TRIM36: variants seen among roughly 807,000 people sequenced by gnomAD.
The protein encoded by TRIM36 is E3 ubiquitin-protein ligase TRIM36.
TRIM36 carries 42 observed loss-of-function variants against 72.4 expected under a neutral mutation model. The ratio of observed to expected loss-of-function variants is 0.58; its 90% CI spans 0.45 to 0.75. The LOEUF is 0.75. TRIM36 is among the 30% of genes least tolerant of loss of function. TRIM36 has a pLI of 0.00. For synonymous variants in TRIM36, 315 were observed against 282.8 expected (o/e 1.11, Z -1.14); for missense variants, 913 against 857.1 (o/e 1.07, Z -0.81).
At chr5:115,175,101 GA>G (rs1378300443) in intron 1 of TRIM36, among the ~76,000 whole-genome samples, 2 of 150,848 alleles carry the variant, frequency 1.3e-5, no homozygotes, top group Admixed American at 1.3e-4. Flanking sequence ...TGGAATTTCA[GA>G]TACATGATAA....
chr5:115,128,262 G>A (rs1165203680), intron 9 of TRIM36, among the ~76,000 whole-genome samples: 5 of 151,694 alleles, frequency 3.3e-5, no homozygotes, highest in South Asian at 4.2e-4. Context: ...CCAGCTAGTC[G>A]GGAGGCTGAG....
intron 1 of TRIM36, chr5:115,177,768 A>C (rs757494898): frequency 8.7e-6 from 14 of 1,613,968 alleles, no homozygotes; most frequent in Non-Finnish European, 1.2e-5. Context: ...TTCTTGGGAG[A>C]GACTGCTTTC....
Position 115,134,145 on chromosome 5 carries a change from T to C in TRIM36, c.1213A>G (p.Ile405Val). The C allele has an allele frequency of 6.4e-7, 1 of 1,557,088 alleles. No homozygotes were observed. Among genetic ancestry groups the C allele is most frequent in the Non-Finnish European group, 8.7e-7 (1 of 1,155,316 alleles). ...LGELSFFSSG[I>V]DVPEINEEQS... Reference sequence around the variant, plus strand: ...TCCTCATTGATCTCTGGCACGTCTATGCCTGAAAGAATTATGAAATAGAAA... The same window carrying C: ...TCCTCATTGATCTCTGGCACGTCTACGCCTGAAAGAATTATGAAATAGAAA... The change falls in exon 8 of 10, where the codon ATA becomes GTA. Residue 405 changes from isoleucine (I) to valine (V), a missense_variant and splice_region_variant. Coordinates refer to ENST00000513154, the MANE Select transcript of TRIM36 (RefSeq NM_001300759.2).
rs769008661 is a variant in TRIM36, at chr5:115,126,755, T to G, written c.1899A>C (p.Ile633=). 2 of 1,614,138 alleles carry G rather than the reference T, an allele frequency of 1.2e-6. No individual in the cohort carries two copies. The highest frequency in any genetic ancestry group is 1.6e-4 in the Middle Eastern group (1 of 6,062). Residue 633 remains isoleucine (I), a synonymous_variant, in exon 10 of 10, where the codon ATA becomes ATC. Coordinates refer to ENST00000513154, the MANE Select transcript of TRIM36 (RefSeq NM_001300759.2). ...LVTIGMQKFF[I]PKSPTSSNEP... ...CATTAGAAGAAGTAGGTGACTTGGG[T>G]ATAAAAAATTTCTGCATGCCTATAG...
upstream of TRIM36, chr5:115,174,180 C>T (rs1368990653): frequency 2.0e-5 from 3 of 152,174 alleles, no homozygotes; most frequent in Admixed American, 2.0e-4. Flanking sequence ...ATGGCTGGGT[C>T]AAGTCCTAAT....
chr5:115,126,985 C>A (rs1752391984), intron 9 of TRIM36, 128 bp from the exon 10 acceptor site: 3 of 948,332 alleles, frequency 3.2e-6, no homozygotes, highest in South Asian at 2.0e-5. Context: ...TCTATTAAAA[C>A]AAAATCAAAA....
At chr5:115,166,569 G>A (rs556941700) in intron 1 of TRIM36, among the ~76,000 whole-genome samples, 1 of 152,346 alleles carries the variant, frequency 6.6e-6, no homozygotes, top group East Asian at 1.9e-4. Flanking sequence ...AGTTGTCCAT[G>A]TAGCTCATTC....
rs189672976 is a variant in TRIM36 at position 115,132,617 on chromosome 5, T to C, written c.1498+1243A>G. Among the ~76,000 whole-genome samples the C allele has an allele frequency of 1.1e-4, 16 of 152,146 alleles. No homozygotes were observed. The East Asian group carries it at 3.1e-3, about 29-fold the overall frequency. On this transcript the variant is annotated intron_variant, in intron 8 of 9. Coordinates refer to ENST00000513154, the MANE Select transcript of TRIM36 (RefSeq NM_001300759.2). Reference sequence around the variant, plus strand: ...TTACCCACGTGTGAGCTGACCATTCTTCCTGCTAATGCCTCTTTTCCTGGC... The same window carrying C: ...TTACCCACGTGTGAGCTGACCATTCCTCCTGCTAATGCCTCTTTTCCTGGC...
intron 1 of TRIM36, among the ~76,000 whole-genome samples, chr5:115,165,890 C>CT (rs149914280): frequency 5.8e-4 from 88 of 152,270 alleles, no homozygotes; most frequent in Non-Finnish European, 1.2e-3. Context: ...TGGAGAAAAG[C>CT]TGTGGCCAAG....
intron 2 of TRIM36, among the ~76,000 whole-genome samples, chr5:115,161,520 T>A (rs950811727): frequency 7.4e-4 from 112 of 152,254 alleles, no homozygotes; most frequent in Admixed American, 1.9e-3. Context: ...CCTGCCCTAT[T>A]GAGCTGGTGT....
chr5:115,129,361 G>A (rs1391731462), intron 9 of TRIM36, among the ~76,000 whole-genome samples: 5 of 152,102 alleles, frequency 3.3e-5, no homozygotes, highest in Admixed American at 1.3e-4. Flanking sequence ...TCGGGAATTC[G>A]AGACCAGCCT....
intron 2 of TRIM36, among the ~76,000 whole-genome samples, chr5:115,154,240 A>C (rs1478384355): frequency 1.3e-5 from 2 of 152,180 alleles, no homozygotes; most frequent in Non-Finnish European, 2.9e-5. Context: ...AGTCTGAAAG[A>C]GCACCAAGAG....
upstream of TRIM36, chr5:115,180,244 G>A (rs770118091): frequency 6.0e-6 from 3 of 498,972 alleles, no homozygotes; most frequent in African/African-American, 2.0e-5. Flanking sequence ...AGCCTCGCCC[G>A]GCTTGCTAGG....
At chr5:115,151,294 G>A (rs1753880072) in intron 2 of TRIM36, among the ~76,000 whole-genome samples, 1 of 152,150 alleles carries the variant, frequency 6.6e-6, no homozygotes, top group Non-Finnish European at 1.5e-5. Flanking sequence ...TGACACAGCA[G>A]AGGTGGCCAT....
chr5:115,137,933 A>G (rs1311783902), intron 5 of TRIM36, among the ~76,000 whole-genome samples: 1 of 152,202 alleles, frequency 6.6e-6, no homozygotes, highest in East Asian at 1.9e-4. Flanking sequence ...GCAATAAACA[A>G]TTTAGTCAAT....
intron 3 of TRIM36, 94 bp downstream of exon 3, chr5:115,146,975 T>C: frequency 1.0e-5 from 13 of 1,254,902 alleles, no homozygotes; most frequent in South Asian, 3.2e-5. Context: ...TGTCAAGTTC[T>C]AGACTTAATA....
At position 115,124,849 on chromosome 5, in the gene TRIM36, C is replaced by T. The variant is rs1399649588; in HGVS notation, c.*1654G>A. ...CAAGGTTTGAAACAGCTATCCTATT[C>T]CTGTTAAAGCTTCACATTTAAAAAT... On this transcript the variant is annotated 3_prime_UTR_variant, in exon 10 of 10. Transcript: ENST00000513154. 1.3e-5 allele frequency: 2 copies of T among 152,520 alleles called. No homozygotes were observed. The highest frequency in any genetic ancestry group is 4.8e-5 in the African/African-American group (2 of 41,460). 9.4% of individuals were successfully genotyped at this position (152,520 alleles called of 1,614,324 possible). A position where few individuals can be genotyped will look rare whatever the true frequency, so the allele number is the denominator to read the frequency against.
upstream of TRIM36, among the ~76,000 whole-genome samples, chr5:115,171,534 T>G (rs1755117912): frequency 6.6e-6 from 1 of 152,236 alleles, no homozygotes; most frequent in Non-Finnish European, 1.5e-5. Context: ...GTCTTTCTCA[T>G]ACTGGCCTTT....
chr5:115,169,692 G>A lies in TRIM36; in HGVS notation c.-58C>T, dbSNP rs1242744468. The A allele has an allele frequency of 2.0e-6, 3 of 1,507,482 alleles. No homozygotes were observed. Among genetic ancestry groups the A allele is most frequent in the African/African-American group, 1.4e-5 (1 of 72,042 alleles). 93.4% of individuals were successfully genotyped at this position (1,507,482 alleles called of 1,614,324 possible). ...GTTCCACTCACACCGGCTACCGAGC[G>A]CAGGGTCTGGTGGGCGGGTCCCTGC... On this transcript the variant is annotated 5_prime_UTR_variant, in exon 1 of 10. Coordinates refer to ENST00000513154, the MANE Select transcript of TRIM36 (RefSeq NM_001300759.2).
Sources: allele counts gnomAD v4.1 joint callset (sites outside exome capture counted in the v4.1 genomes callset), GRCh38; gene constraint gnomAD v4.1.1; transcripts MANE v1.5; gene names NCBI Gene and HGNC (gene_info 2026-07-23, HGNC 2026-07-21).